The following ICA1 variants were observed in gnomAD, a reference collection of about 807,000 sequenced individuals.
ICA1 encodes the protein 69 kDa islet cell autoantigen.
ICA1 carries 40 observed loss-of-function variants against 71.0 expected under a neutral mutation model. The observed-to-expected ratio is 0.56, with a 90% CI of 0.44 to 0.73. ICA1 has a LOEUF of 0.73. Among genes scored for constraint, ICA1 ranks in the 30% least tolerant of loss-of-function variants. The pLI is 0.00. For missense variants in ICA1, 578 were observed against 576.5 expected (o/e 1.00, Z -0.03); for synonymous variants, 207 against 209.5 (o/e 0.99, Z 0.10).
At chr7:8,116,979 T>C (rs531485724) in intron 13 of ICA1, among the ~76,000 whole-genome samples, 1 of 152,266 alleles carries the variant, frequency 6.6e-6, no homozygotes, top group South Asian at 2.1e-4. Flanking sequence ...ATGATCCCCA[T>C]ATGTCAAGGG....
At chr7:8,255,927 C>G (rs59527707) in intron 1 of ICA1, among the ~76,000 whole-genome samples, 3 of 152,032 alleles carry the variant, frequency 2.0e-5, no homozygotes, top group Admixed American at 1.3e-4. Flanking sequence ...GCACATACCA[C>G]CACACCCAGC....
At chr7:8,136,781 A>G (rs1027205861) in intron 12 of ICA1, among the ~76,000 whole-genome samples, 3 of 152,234 alleles carry the variant, frequency 2.0e-5, no homozygotes, top group African/African-American at 4.8e-5. Flanking sequence ...AGAGTGCTCA[A>G]AAAAGGGGGT....
intron 6 of ICA1, among the ~76,000 whole-genome samples, chr7:8,174,646 T>C (rs1779921803): frequency 1.3e-5 from 2 of 150,440 alleles, no homozygotes; most frequent in Non-Finnish European, 3.0e-5. Context: ...AATAAAAAAA[T>C]CAGCTGGGTG....
rs1211811475 is a variant in ICA1 at position 8,123,430 on chromosome 7, G to C, written c.1330+4443C>G. On this transcript the variant is annotated intron_variant, in intron 13 of 13. Coordinates refer to ENST00000402384, the MANE Select transcript of ICA1 (RefSeq NM_001136020.3). This position sits in a 1 kb window ranked among gnomAD's most constrained non-coding sequence, Gnocchi z 4.1. ...TTGTGAGAGGGGGTGAGGGAGCTGG[G>C]GACGCGGCCCAGAGCTTGCACTTCA... is the stretch of plus-strand genomic sequence containing the variant. Among the ~76,000 whole-genome samples, 1 of 152,078 alleles carries C rather than the reference G, an allele frequency of 6.6e-6. No individual in the cohort carries two copies. The highest frequency in any genetic ancestry group is 2.4e-5 in the African/African-American group (1 of 41,410).
chr7:8,182,947 T>A (rs1782671703), intron 6 of ICA1, among the ~76,000 whole-genome samples: 1 of 152,200 alleles, frequency 6.6e-6, no homozygotes, highest in Non-Finnish European at 1.5e-5. Context: ...AGGGCACAGC[T>A]TCCCAGTAAA....
rs868276733 is a variant in ICA1, at chr7:8,220,238, C to T, written c.380+1037G>A. Among the ~76,000 whole-genome samples, 3 of 152,162 alleles carry T rather than the reference C, an allele frequency of 2.0e-5. No homozygotes were observed. The South Asian group carries it at 6.2e-4, about 32-fold the overall frequency. ...TTCAAGCATAAAAGTTGGCATTGCC[C>T]CCAAAGTCAGGGTCCAAATGTCATC... On this transcript the variant is annotated intron_variant, in intron 5 of 13. Coordinates refer to ENST00000402384, the MANE Select transcript of ICA1 (RefSeq NM_001136020.3).
chr7:8,193,631 T>C (rs1786437229), intron 6 of ICA1, among the ~76,000 whole-genome samples: 1 of 152,246 alleles, frequency 6.6e-6, no homozygotes, highest in Non-Finnish European at 1.5e-5. Context: ...ATTCTATCCT[T>C]CAAATCCTTC....
chr7:8,233,468 A>C lies in ICA1; in HGVS notation c.18-713T>G, dbSNP rs921767325. On this transcript the variant is annotated intron_variant, in intron 2 of 13. Coordinates refer to ENST00000402384, the MANE Select transcript of ICA1 (RefSeq NM_001136020.3). ...GAGTGCAGTGGCGTGATCTCAGCTC[A>C]CTGCAGCCTCTGCCTTCCAGGTTCA... Among the ~76,000 whole-genome samples the C allele has an allele frequency of 6.0e-5, 9 of 149,142 alleles. No individual in the cohort carries two copies. The Admixed American group carries it at 6.1e-4, about 10-fold the overall frequency.
In ICA1 at chr7:8,141,821, A is replaced by G. The variant is rs771195712; in HGVS notation, c.903-4T>C. 50 of 1,556,854 alleles carry G rather than the reference A, an allele frequency of 3.2e-5. No homozygotes were observed. The South Asian group carries it at 5.7e-4, about 18-fold the overall frequency. On this transcript the variant is annotated splice_polypyrimidine_tract_variant and splice_region_variant and intron_variant, in intron 9 of 13. Transcript: ENST00000402384. ...TTCTTCCTCTAATGAAATTAATCTTAAAATAAAAAAGAGGTTTAGTCATCA... is the reference window on the plus strand; with the variant it reads ...TTCTTCCTCTAATGAAATTAATCTTGAAATAAAAAAGAGGTTTAGTCATCA...
chr7:8,249,817 T>C (rs1197351889), intron 1 of ICA1, among the ~76,000 whole-genome samples: 1 of 152,250 alleles, frequency 6.6e-6, no homozygotes, highest in Non-Finnish European at 1.5e-5. Flanking sequence ...GTGTGTCTCC[T>C]ACTCAGTTTA....
rs1802606436 is a variant in ICA1 at position 8,158,664 on chromosome 7, A to G, written c.580-12T>C. ...ACTTGTGTTTGTACCTATGAAAATA[A>G]AGAGGAATTTCTGAATCACCCTAAC... On this transcript the variant is annotated splice_polypyrimidine_tract_variant and intron_variant, in intron 6 of 13. Coordinates refer to ENST00000402384, the MANE Select transcript of ICA1 (RefSeq NM_001136020.3). 1 of 1,613,694 alleles carries G rather than the reference A, an allele frequency of 6.2e-7. No individual in the cohort carries two copies. Among genetic ancestry groups the G allele is most frequent in the South Asian group, 1.1e-5 (1 of 91,004 alleles).
In ICA1 at chr7:8,156,765, T is replaced by A. The variant is rs1029103247; in HGVS notation, c.804+351A>T. On this transcript the variant is annotated intron_variant, in intron 8 of 13. Transcript: ENST00000402384. The stretch of plus-strand genomic sequence containing the variant: ...AACTGAGTTTATGGGACTTGTACAA[T>A]CTCCCCTTTAGCAATGTCAAACAAG... 2.8e-5 allele frequency: 39 copies of A among 1,401,058 alleles called. No homozygotes were observed. The African/African-American group carries it at 5.1e-4, about 18-fold the overall frequency. 86.8% of individuals were successfully genotyped at this position (1,401,058 alleles called of 1,614,324 possible). A position where few individuals can be genotyped will look rare whatever the true frequency, so the allele number is the denominator to read the frequency against.
intron 7 of ICA1, 70 bp downstream of exon 7, chr7:8,158,457 A>C (rs1047532547): frequency 6.3e-7 from 1 of 1,576,782 alleles, no homozygotes; most frequent in East Asian, 2.2e-5. Context: ...CTTTTAGCTC[A>C]AACACCATTT....
intron 13 of ICA1, among the ~76,000 whole-genome samples, chr7:8,119,736 C>G (rs934598836): frequency 3.9e-5 from 6 of 152,112 alleles, no homozygotes; most frequent in African/African-American, 1.2e-4. Context: ...ATCCTAGCTA[C>G]TCAGGAGGTT....
chr7:8,141,755 CA>C lies in ICA1; in HGVS notation c.955+9del. The C allele has an allele frequency of 6.6e-7, 1 of 1,509,266 alleles. No individual in the cohort carries two copies. Among genetic ancestry groups the C allele is most frequent in the Non-Finnish European group, 9.1e-7 (1 of 1,100,138 alleles). The allele number at this position is 1,509,266 out of a possible 1,614,324, so 93.5% of individuals were successfully genotyped here. On this transcript the variant is annotated intron_variant, in intron 10 of 13. Transcript: ENST00000402384. ...TTCAGAAGCAATTCTAAATAAAAAT[CA>C]AAACTTACTCTTAAAACTAGAGGAT... is the stretch of plus-strand genomic sequence containing the variant.
chr7:8,146,882 GCACACACACA>G (rs144575495), intron 8 of ICA1, among the ~76,000 whole-genome samples: 1 of 139,356 alleles, frequency 7.2e-6, no homozygotes, highest in Non-Finnish European at 1.6e-5. Flanking sequence ...ACACACACAC[GCACACACACA>G]CACACACACA....
At chr7:8,167,054 C>A (rs1298180663) in intron 6 of ICA1, among the ~76,000 whole-genome samples, 2 of 152,108 alleles carry the variant, frequency 1.3e-5, no homozygotes, top group Non-Finnish European at 2.9e-5. Context: ...CCTTTGGGAA[C>A]AGCAGTTTGG....
At chr7:8,241,409 G>A (rs1803829747) in intron 1 of ICA1, among the ~76,000 whole-genome samples, 1 of 152,188 alleles carries the variant, frequency 6.6e-6, no homozygotes, top group East Asian at 1.9e-4. Flanking sequence ...AAGAGCTCCT[G>A]AAGGAAGCAC....
rs533432015 is a variant in ICA1, at chr7:8,247,095, C to T, written c.-79-11090G>A. ...TGCTGAGTCCTCAATTTTATTCCCC[C>T]GTGTAGATGGGCAAAAGACTACAGC... On this transcript the variant is annotated intron_variant, in intron 1 of 13. Coordinates refer to ENST00000402384, the MANE Select transcript of ICA1 (RefSeq NM_001136020.3). Among the ~76,000 whole-genome samples, 8 of 152,220 alleles carry T rather than the reference C, an allele frequency of 5.3e-5. No individual in the cohort carries two copies. In the East Asian group the frequency reaches 9.7e-4, roughly 18 times the overall value.
Sources: allele counts gnomAD v4.1 joint callset (sites outside exome capture counted in the v4.1 genomes callset), GRCh38; gene constraint gnomAD v4.1.1; non-coding constraint Gnocchi (gnomAD v3.1); transcripts MANE v1.5; gene names NCBI Gene and HGNC (gene_info 2026-07-23, HGNC 2026-07-21).